Variants in PCDH7 observed in about 807,000 individuals in gnomAD.
PCDH7 encodes protocadherin-7.
PCDH7 carries 17 observed loss-of-function variants against 58.9 expected under a neutral mutation model. The ratio of observed to expected loss-of-function variants is 0.29; its 90% CI spans 0.20 to 0.43. The LOEUF is 0.43. Among genes scored for constraint, PCDH7 ranks in the 20% least tolerant of loss-of-function variants. PCDH7 has a pLI of 1.00. For missense variants in PCDH7, 1,274 were observed against 1,441.0 expected (o/e 0.88, Z 1.88); for synonymous variants, 664 against 616.4 (o/e 1.08, Z -1.14).
Position 30,994,912 on chromosome 4 carries a change from T to G in PCDH7, c.*7+44697T>G, listed in dbSNP as rs35310460. Among the ~76,000 whole-genome samples the G allele has an allele frequency of 8.3e-4, 127 of 152,130 alleles. 1 individual carries two copies. The highest frequency in any genetic ancestry group is 2.8e-3 in the African/African-American group (117 of 41,526). On this transcript the variant is annotated intron_variant, in intron 3 of 3. Coordinates refer to the PCDH7 transcript ENST00000509759. ...AATCATGACAATTAAGCAGTTGAAATGTGGCTAGTCAAAATTGAGATGTGT... is the reference window on the plus strand; with the variant it reads ...AATCATGACAATTAAGCAGTTGAAAGGTGGCTAGTCAAAATTGAGATGTGT...
intron 3 of PCDH7, among the ~76,000 whole-genome samples, chr4:31,127,328 G>T (rs957039886): frequency 2.0e-5 from 3 of 152,132 alleles, no homozygotes; most frequent in African/African-American, 7.2e-5. Flanking sequence ...CTATGAGTTT[G>T]TTAAGCGCAG....
intron 3 of PCDH7, among the ~76,000 whole-genome samples, chr4:31,068,602 A>G (rs1312106286): frequency 2.6e-5 from 4 of 151,978 alleles, no homozygotes; most frequent in Admixed American, 2.6e-4. Flanking sequence ...ATTCTCTATA[A>G]TAACCCAGCA....
intron 1 of PCDH7, among the ~76,000 whole-genome samples, chr4:30,837,648 G>A (rs1366257684): frequency 6.6e-6 from 1 of 151,826 alleles, no homozygotes; most frequent in Non-Finnish European, 1.5e-5. Flanking sequence ...TAAACGCAAA[G>A]GTTTGATAAA....
chr4:30,812,388 A>G (rs1272080525), intron 1 of PCDH7, among the ~76,000 whole-genome samples: 1 of 152,238 alleles, frequency 6.6e-6, no homozygotes, highest in Non-Finnish European at 1.5e-5. Context: ...ATGAAAAATA[A>G]TGTAACATTT....
intron 3 of PCDH7, among the ~76,000 whole-genome samples, chr4:31,012,621 C>T (rs548588490): frequency 1.2e-4 from 18 of 150,670 alleles, no homozygotes; most frequent in African/African-American, 3.6e-4. Flanking sequence ...TTAACACTTG[C>T]ATTAATCTTG....
At chr4:30,963,613 G>T (rs1452299744) in intron 3 of PCDH7, among the ~76,000 whole-genome samples, 2 of 152,050 alleles carry the variant, frequency 1.3e-5, no homozygotes, top group African/African-American at 4.8e-5. Context: ...AATGCAAATG[G>T]TGTGGCTACA....
In PCDH7 at chr4:31,056,498, AAAGAAAGAAAGAAAGAAAGGGGAAG is replaced by A. The variant is rs1560608789; in HGVS notation, c.*8-85974_*8-85950del. On this transcript the variant is annotated intron_variant, in intron 3 of 3. Transcript: ENST00000509759. ...GAAAGAAAGAAAGAAAGAAAGAAAG[AAAGAAAGAAAGAAAGAAAGGGGAAG>A]GGAAGGGAAGGAAGGAGAGAGGGAG... 3.3e-4 allele frequency among the ~76,000 whole-genome samples: 45 copies of A among 136,550 alleles called. 1 individual carries two copies. In the East Asian group the frequency reaches 3.5e-3, roughly 11 times the overall value. The allele number at this position is 136,550 out of a possible 152,430, so 89.6% of individuals were successfully genotyped here.
downstream of PCDH7, chr4:31,143,129 AAAG>A: frequency 6.6e-6 from 1 of 151,798 alleles, no homozygotes; most frequent in Non-Finnish European, 1.3e-5. Context: ...AAAAAAACAA[AAAG>A]AAAAGAAAAA....
At position 30,722,148 on chromosome 4, in the gene PCDH7, C is replaced by A. The variant is rs752633423; in HGVS notation, c.726C>A (p.Ser242Arg). The A allele has an allele frequency of 5.7e-5, 84 of 1,486,134 alleles. No homozygotes were observed. Among genetic ancestry groups the A allele is most frequent in the South Asian group, 1.3e-5 (1 of 75,572 alleles). The allele number at this position is 1,486,134 out of a possible 1,614,324, so 92.1% of individuals were successfully genotyped here. A position where few individuals can be genotyped will look rare whatever the true frequency, so the allele number is the denominator to read the frequency against. Residue 242 changes from serine to arginine, a missense_variant, in exon 1 of 2, where the codon AGC becomes AGA. By Grantham distance (110) the Ser-to-Arg change is moderately radical. Transcript: ENST00000361762. This position sits in a 1 kb window ranked among gnomAD's most constrained non-coding sequence, Gnocchi z 7.6. ...GCACCAACCCCGGCGGCCGCAGCAG[C>A]GTGTTCGAGCTGCAGGTGGCGGACA...
intron 3 of PCDH7, among the ~76,000 whole-genome samples, chr4:31,061,600 A>G (rs1757697184): frequency 6.6e-6 from 1 of 151,724 alleles, no homozygotes; most frequent in Non-Finnish European, 1.5e-5. Context: ...TGCAGTAACA[A>G]AGCAAAATAT....
rs569093964 is a variant in PCDH7, at chr4:30,790,619, G to T, written c.70+66023G>T. Among the ~76,000 whole-genome samples the T allele has an allele frequency of 3.9e-4, 59 of 152,242 alleles. 1 individual carries two copies. Among genetic ancestry groups the T allele is most frequent in the African/African-American group, 1.3e-3 (54 of 41,548 alleles). On this transcript the variant is annotated intron_variant, in intron 1 of 3. Coordinates refer to the PCDH7 transcript ENST00000509759. ...AGATGAAATCTGATATAGAAGATCT[G>T]CTTTAAATATTGTAGACAGGGCTGG...
At chr4:30,975,480 C>T (rs892712731) in intron 3 of PCDH7, among the ~76,000 whole-genome samples, 1 of 152,044 alleles carries the variant, frequency 6.6e-6, no homozygotes, top group Non-Finnish European at 1.5e-5. Flanking sequence ...TTTCTAAATC[C>T]TAGAAAGACT....
intron 3 of PCDH7, among the ~76,000 whole-genome samples, chr4:30,969,952 A>G (rs2109471531): frequency 6.6e-6 from 1 of 152,250 alleles, no homozygotes; most frequent in Admixed American, 6.5e-5. Flanking sequence ...CTTCCTGTGT[A>G]CCAGACATTG....
At chr4:31,117,371 C>T (rs1036298752) in intron 3 of PCDH7, among the ~76,000 whole-genome samples, 4 of 152,122 alleles carry the variant, frequency 2.6e-5, no homozygotes, top group Admixed American at 2.0e-4. Context: ...TTCTCTAGTT[C>T]CATTAAGGGC....
intron 1 of PCDH7, among the ~76,000 whole-genome samples, chr4:30,777,284 T>C (rs1347814351): frequency 6.6e-6 from 1 of 152,196 alleles, no homozygotes; most frequent in Non-Finnish European, 1.5e-5. Flanking sequence ...AATGTTAGTA[T>C]CACTAATTGA....
At chr4:31,068,165 A>G (rs1386601103) in intron 3 of PCDH7, among the ~76,000 whole-genome samples, 1 of 151,940 alleles carries the variant, frequency 6.6e-6, no homozygotes, top group Non-Finnish European at 1.5e-5. Context: ...AATTTTCACC[A>G]TCTTGATCTT....
intron 1 of PCDH7, among the ~76,000 whole-genome samples, chr4:30,865,771 A>G (rs56338231): frequency 0.25 from 38,138 of 151,962 alleles, 4,916 homozygotes; most frequent in African/African-American, 0.29. Flanking sequence ...TCAGTTGATG[A>G]ACAGTTGACT....
At chr4:30,965,066 TTC>T (rs1748876894) in intron 3 of PCDH7, among the ~76,000 whole-genome samples, 1 of 152,212 alleles carries the variant, frequency 6.6e-6, no homozygotes, top group African/African-American at 2.4e-5. Context: ...TTAGCTTGCA[TTC>T]AGTTATTTTA....
At chr4:31,113,733 T>A (rs1716625328) in intron 3 of PCDH7, among the ~76,000 whole-genome samples, 2 of 152,148 alleles carry the variant, frequency 1.3e-5, no homozygotes, top group Admixed American at 1.3e-4. Context: ...CAAAAAATTT[T>A]TGCAGTAACA....
Sources: allele counts gnomAD v4.1 joint callset (sites outside exome capture counted in the v4.1 genomes callset), GRCh38; gene constraint gnomAD v4.1.1; non-coding constraint Gnocchi (gnomAD v3.1); transcripts MANE v1.5; gene names NCBI Gene and HGNC (gene_info 2026-07-23, HGNC 2026-07-21).